Variants in ERMP1 observed in about 807,000 individuals in gnomAD.
ERMP1 encodes the protein Felix-ina.
In ERMP1, 86 loss-of-function variants were observed where a neutral mutation model predicts 92.0. The observed-to-expected ratio is 0.93, with a 90% CI of 0.79 to 1.12. The LOEUF is 1.12. Among genes scored for constraint, ERMP1 ranks in the 50% most tolerant of loss-of-function variants. ERMP1 has a pLI of 0.00. For missense variants in ERMP1, 1,342 were observed against 1,116.3 expected (o/e 1.20, Z -2.88); for synonymous variants, 530 against 412.8 (o/e 1.28, Z -3.44).
At chr9:5,836,429 G>A (rs1830096513), upstream of ERMP1, among the ~76,000 whole-genome samples, 1 of 152,154 alleles carries the variant, frequency 6.6e-6, no homozygotes, top group Non-Finnish European at 1.5e-5. Flanking sequence ...CAAACCAGTT[G>A]CAGAAAAAAG....
chr9:5,850,679 C>A (rs1210658058), intron 6 of ERMP1, among the ~76,000 whole-genome samples: 15 of 152,048 alleles, frequency 9.9e-5, no homozygotes, highest in African/African-American at 3.6e-4. Context: ...TGGGCCCAAT[C>A]CCAGTATTCA....
At position 5,798,982 on chromosome 9, in the gene ERMP1, C is replaced by T. The variant is rs756239620; in HGVS notation, c.2094G>A (p.Leu698=). 3.7e-6 allele frequency: 6 copies of T among 1,613,380 alleles called. No individual in the cohort carries two copies. The highest frequency in any genetic ancestry group is 3.3e-5 in the Admixed American group (2 of 59,988). The change falls in exon 12 of 15, where the codon TTG becomes TTA. Residue 698 remains leucine (L), a synonymous_variant. Transcript: ENST00000339450. ...AGTCCCGTTTAACTGCATTTCCTTC[C>T]AAGTCATGGAATGTTCTAGTCATAT... ...LQHMTRTFHD[L]EGNAVKRDSG...
intron 13 of ERMP1, among the ~76,000 whole-genome samples, chr9:5,792,530 C>T (rs191428840): frequency 7.1e-4 from 108 of 152,274 alleles, no homozygotes; most frequent in African/African-American, 2.5e-3. Flanking sequence ...TAACCAGTCT[C>T]AACTTCTTTG....
At position 5,798,808 on chromosome 9, in the gene ERMP1, G is replaced by T; in HGVS notation, c.2268C>A (p.Ile756=). 6.2e-7 allele frequency: 1 copy of T among 1,609,992 alleles called. No homozygotes were observed. The highest frequency in any genetic ancestry group is 8.5e-7 in the Non-Finnish European group (1 of 1,176,426). The change falls in exon 12 of 15, where the codon ATC becomes ATA. Residue 756 remains isoleucine (I), a splice_region_variant and synonymous_variant. Transcript: ENST00000339450. ...FPWYLPVHFL[I]RKNWYLPAPE... ...AAGCAGAAAAATAATGAACCAACCT[G>T]ATCAGAAAGTGCACTGGAAGATACC...
intron 13 of ERMP1, among the ~76,000 whole-genome samples, chr9:5,792,165 A>G (rs1828224608): frequency 6.6e-6 from 1 of 152,156 alleles, no homozygotes; most frequent in East Asian, 1.9e-4. Flanking sequence ...AGAATCCCGA[A>G]ATATACACAA....
In ERMP1 at chr9:5,815,494, C is replaced by CAA. The variant is rs3068691; in HGVS notation, c.875-2461_875-2460dup. On this transcript the variant is annotated intron_variant, in intron 4 of 14. Coordinates refer to ENST00000339450, the MANE Select transcript of ERMP1 (RefSeq NM_024896.3). The stretch of plus-strand genomic sequence containing the variant: ...TAAAATACATAAAGTACTGAAATAA[C>CAA]AAAAAAAAAAAAAAAAAAAGGAAAA... Among the ~76,000 whole-genome samples, 17 of 97,414 alleles carry CAA rather than the reference C, an allele frequency of 1.7e-4. 1 individual carries two copies. The highest frequency in any genetic ancestry group is 2.5e-4 in the Non-Finnish European group (12 of 48,364). 63.9% of individuals were successfully genotyped at this position (97,414 alleles called of 152,430 possible).
chr9:5,844,541 T>C (rs1830210779), intron 6 of ERMP1, among the ~76,000 whole-genome samples: 1 of 152,198 alleles, frequency 6.6e-6, no homozygotes, highest in Admixed American at 6.5e-5. Flanking sequence ...CCCAAAGTGC[T>C]GGGATTACAG....
intron 8 of ERMP1, among the ~76,000 whole-genome samples, chr9:5,806,500 C>G (rs1828877555): frequency 6.6e-6 from 1 of 151,638 alleles, no homozygotes; most frequent in Admixed American, 6.6e-5. Flanking sequence ...CGATCTCGGC[C>G]CACTGCAGTC....
chr9:5,844,533 C>G (rs1830210540), intron 6 of ERMP1, among the ~76,000 whole-genome samples: 1 of 152,160 alleles, frequency 6.6e-6, no homozygotes, highest in Non-Finnish European at 1.5e-5. Flanking sequence ...CTTGGCCTCC[C>G]AAAGTGCTGG....
intron 4 of ERMP1, among the ~76,000 whole-genome samples, chr9:5,816,129 A>C (rs1212331167): frequency 2.0e-5 from 3 of 152,208 alleles, no homozygotes; most frequent in African/African-American, 4.8e-5. Flanking sequence ...ACCCTCTTCC[A>C]TGAGACAGAG....
chr9:5,794,901 A>G (rs1477251927), intron 13 of ERMP1, among the ~76,000 whole-genome samples: 1 of 152,218 alleles, frequency 6.6e-6, no homozygotes, highest in East Asian at 1.9e-4. Flanking sequence ...AACCCATCCT[A>G]TGAGTCCAGC....
At chr9:5,857,682 G>A (rs1830395969) in intron 6 of ERMP1, among the ~76,000 whole-genome samples, 1 of 152,114 alleles carries the variant, frequency 6.6e-6, no homozygotes, top group African/African-American at 2.4e-5. Context: ...GGTAAGCAAG[G>A]GTGGACAGTG....
At chr9:5,827,514 C>T (rs1419101481) in intron 2 of ERMP1, among the ~76,000 whole-genome samples, 1 of 152,222 alleles carries the variant, frequency 6.6e-6, no homozygotes, top group African/African-American at 2.4e-5. Context: ...TTATTATTGA[C>T]AGAAATTGCC....
At chr9:5,804,971 TA>T (rs1478300087) in intron 10 of ERMP1, 55 bp downstream of exon 10, 9 of 1,364,854 alleles carry the variant, frequency 6.6e-6, no homozygotes, top group African/African-American at 1.5e-5. Flanking sequence ...CTAGTATGGC[TA>T]AATTCATATT....
intron 5 of ERMP1, among the ~76,000 whole-genome samples, chr9:5,866,315 C>G (rs1490485683): frequency 6.6e-6 from 1 of 152,074 alleles, no homozygotes; most frequent in Non-Finnish European, 1.5e-5. Context: ...GGGAACAGAA[C>G]CAATATTATC....
chr9:5,787,332 C>G, intron 14 of ERMP1, 24 bp from the exon 15 acceptor site: 2 of 1,607,410 alleles, frequency 1.2e-6, no homozygotes, highest in Non-Finnish European at 1.7e-6. Context: ...TCAATTAGTT[C>G]TCCAGTTCTC....
At chr9:5,828,313 C>G (rs1829804791) in intron 2 of ERMP1, among the ~76,000 whole-genome samples, 1 of 152,148 alleles carries the variant, frequency 6.6e-6, no homozygotes, top group African/African-American at 2.4e-5. Context: ...CTGAAGGCAA[C>G]TGAGAAGCAG....
rs566591579 is a variant in ERMP1 at position 5,792,171 on chromosome 9, C to T, written c.2387-4578G>A. 1.3e-4 allele frequency among the ~76,000 whole-genome samples: 20 copies of T among 152,292 alleles called. No homozygotes were observed. In the East Asian group the frequency reaches 3.1e-3, roughly 23 times the overall value. On this transcript the variant is annotated intron_variant, in intron 13 of 14. Transcript: ENST00000339450. Reference sequence around the variant, plus strand: ...GTGCTGAAAAGAATCCCGAAATATACACAAAGTCCAGACTACCGAAGACCT... The same window carrying T: ...GTGCTGAAAAGAATCCCGAAATATATACAAAGTCCAGACTACCGAAGACCT...
intron 13 of ERMP1, among the ~76,000 whole-genome samples, chr9:5,790,169 CTTT>C (rs371493040): frequency 2.4e-5 from 3 of 126,806 alleles, no homozygotes; most frequent in African/African-American, 5.8e-5. Flanking sequence ...AAAACAATAC[CTTT>C]TTTTTTTTTT....
Sources: allele counts gnomAD v4.1 joint callset (sites outside exome capture counted in the v4.1 genomes callset), GRCh38; gene constraint gnomAD v4.1.1; transcripts MANE v1.5; gene names NCBI Gene and HGNC (gene_info 2026-07-23, HGNC 2026-07-21).